CADM2: variants seen among roughly 807,000 people sequenced by gnomAD.
CADM2 encodes the protein immunoglobulin superfamily member 4D.
Under a neutral mutation model 49.8 loss-of-function variants are expected in CADM2, and 12 were observed. The ratio of observed to expected loss-of-function variants is 0.24; its 90% CI spans 0.15 to 0.39. The LOEUF (loss-of-function observed/expected upper bound fraction) is 0.39. Ranked by LOEUF, CADM2 falls within the 10% of genes least tolerant of loss-of-function variation. The pLI is 1.00. For missense variants in CADM2, 378 were observed against 492.3 expected (o/e 0.77, Z 2.20); for synonymous variants, 214 against 175.4 (o/e 1.22, Z -1.74).
intron 1 of CADM2, among the ~76,000 whole-genome samples, chr3:85,565,061 T>G (rs1297216321): frequency 6.6e-6 from 1 of 152,036 alleles, no homozygotes; most frequent in African/African-American, 2.4e-5. Context: ...ACAAAAGCAA[T>G]TAGCTGGGTT....
intron 1 of CADM2, among the ~76,000 whole-genome samples, chr3:85,073,956 T>A (rs1021391019): frequency 6.6e-6 from 1 of 152,252 alleles, no homozygotes; most frequent in East Asian, 1.9e-4. Flanking sequence ...CGTGTATCCA[T>A]ATTATTATTA....
intron 1 of CADM2, among the ~76,000 whole-genome samples, chr3:85,684,626 C>T (rs1042532571): frequency 3.3e-5 from 5 of 152,080 alleles, no homozygotes; most frequent in African/African-American, 7.2e-5. Context: ...AGTTCCACAT[C>T]GCTGGGGAGG....
intron 1 of CADM2, among the ~76,000 whole-genome samples, chr3:85,428,618 A>C (rs1405301484): frequency 1.4e-5 from 2 of 146,394 alleles, no homozygotes; most frequent in East Asian, 3.9e-4. Context: ...AAATATATAA[A>C]ATATTTACAT....
At chr3:85,785,283 C>A (rs774956135) in intron 2 of CADM2, among the ~76,000 whole-genome samples, 1 of 151,778 alleles carries the variant, frequency 6.6e-6, no homozygotes, top group Non-Finnish European at 1.5e-5. Context: ...ATTTCTGCTC[C>A]GATCTTTATT....
intron 1 of CADM2, among the ~76,000 whole-genome samples, chr3:85,244,831 A>T (rs2042611583): frequency 6.6e-6 from 1 of 152,210 alleles, no homozygotes; most frequent in Non-Finnish European, 1.5e-5. Flanking sequence ...TAGAAGAAAT[A>T]TTACTGGGCT....
At chr3:85,212,852 T>C (rs537452024) in intron 1 of CADM2, among the ~76,000 whole-genome samples, 9 of 124,174 alleles carry the variant, frequency 7.2e-5, no homozygotes, top group Non-Finnish European at 1.3e-4. Flanking sequence ...CTTTCTTTCT[T>C]TCTTTCTTTC....
intron 1 of CADM2, among the ~76,000 whole-genome samples, chr3:85,453,130 A>G (rs935874765): frequency 6.6e-6 from 1 of 152,198 alleles, no homozygotes; most frequent in African/African-American, 2.4e-5. Flanking sequence ...TTATTAGCAT[A>G]TATAAGTAGG....
At chr3:85,748,147 AAAG>A in intron 2 of CADM2, among the ~76,000 whole-genome samples, 1 of 152,240 alleles carries the variant, frequency 6.6e-6, no homozygotes, top group Non-Finnish European at 1.5e-5. Flanking sequence ...ATTAGTAGAA[AAAG>A]AAGATTATGT....
intron 1 of CADM2, among the ~76,000 whole-genome samples, chr3:85,452,983 G>A (rs376164787): frequency 1.3e-5 from 2 of 152,054 alleles, no homozygotes; most frequent in African/African-American, 2.4e-5. Flanking sequence ...TTAAATATGT[G>A]TTAGAAGAGT....
At chr3:85,255,013 G>T (rs1470546514) in intron 1 of CADM2, among the ~76,000 whole-genome samples, 2 of 151,936 alleles carry the variant, frequency 1.3e-5, no homozygotes, top group East Asian at 3.9e-4. Context: ...ACTGGGATTT[G>T]GTAAACATAG....
chr3:86,002,470 A>G (rs1730306683), intron 8 of CADM2, among the ~76,000 whole-genome samples: 1 of 152,056 alleles, frequency 6.6e-6, no homozygotes, highest in Non-Finnish European at 1.5e-5. Flanking sequence ...CCCTAGGGTG[A>G]TATAAAAGTC....
chr3:85,413,138 C>CAAAAAAAAAAAAAAAAAAAAAAA (rs397973777), intron 1 of CADM2, among the ~76,000 whole-genome samples: 3 of 17,126 alleles, frequency 1.8e-4, no homozygotes, highest in African/African-American at 5.0e-4. Context: ...GACTCCGTCT[C>CAAAAAAAAAAAAAAAAAAAAAAA]AAAAAAAAAA....
intron 1 of CADM2, among the ~76,000 whole-genome samples, chr3:85,006,304 A>G (rs193178668): frequency 1.7e-3 from 261 of 152,300 alleles, no homozygotes; most frequent in Non-Finnish European, 2.6e-3. Context: ...CACTTTGGGA[A>G]GTAGATTGGC....
chr3:85,176,476 C>T (rs1260432101), intron 1 of CADM2, among the ~76,000 whole-genome samples: 2 of 152,034 alleles, frequency 1.3e-5, no homozygotes, highest in Admixed American at 1.3e-4. Flanking sequence ...TGTCAGAAAC[C>T]TCACTTTTTT....
chr3:85,297,678 C>T (rs938436050), intron 1 of CADM2, among the ~76,000 whole-genome samples: 1 of 152,018 alleles, frequency 6.6e-6, no homozygotes, highest in Non-Finnish European at 1.5e-5. Flanking sequence ...TACCCTCTAA[C>T]CCCACAATCA....
intron 3 of CADM2, among the ~76,000 whole-genome samples, chr3:85,869,258 C>A (rs1413543852): frequency 1.3e-5 from 2 of 152,024 alleles, no homozygotes; most frequent in Non-Finnish European, 2.9e-5. Context: ...TTGGCTGAAT[C>A]TGGTCACATG....
intron 1 of CADM2, among the ~76,000 whole-genome samples, chr3:85,120,835 A>AT (rs1191493962): frequency 6.6e-6 from 1 of 152,064 alleles, no homozygotes; most frequent in African/African-American, 2.4e-5. Context: ...GAAAATGAAA[A>AT]TAAAAAAAAG....
At chr3:85,157,814 G>T (rs1251701734) in intron 1 of CADM2, among the ~76,000 whole-genome samples, 5 of 152,052 alleles carry the variant, frequency 3.3e-5, no homozygotes, top group Non-Finnish European at 5.9e-5. Flanking sequence ...CAAAAGCAAT[G>T]GCAATAAAAG....
chr3:85,091,126 A>G (rs1411742055), intron 1 of CADM2, among the ~76,000 whole-genome samples: 1 of 152,200 alleles, frequency 6.6e-6, no homozygotes, highest in African/African-American at 2.4e-5. Flanking sequence ...GCTTTAAAAC[A>G]TCAGTTTACA....
Sources: allele counts gnomAD v4.1 joint callset (sites outside exome capture counted in the v4.1 genomes callset), GRCh38; gene constraint gnomAD v4.1.1; transcripts MANE v1.5; gene names NCBI Gene and HGNC (gene_info 2026-07-23, HGNC 2026-07-21).